SLC34A3: variants seen among roughly 807,000 people sequenced by gnomAD.
The protein encoded by SLC34A3 is solute carrier family 34 member 3.
In SLC34A3, 60 loss-of-function variants were observed where a neutral mutation model predicts 43.9. The observed-to-expected ratio is 1.37, with a 90% confidence interval of 1.11 to 1.70. The LOEUF (loss-of-function observed/expected upper bound fraction) is 1.70, where lower values mean the gene tolerates loss of function less well. SLC34A3 is among the 40% of genes most tolerant of loss of function. The pLI, the probability that SLC34A3 is intolerant of heterozygous loss-of-function variation, is 0.00. For synonymous variants in SLC34A3, 451 were observed against 386.2 expected (o/e 1.17, Z -1.97); for missense variants, 969 against 823.8 (o/e 1.18, Z -2.16).
At chr9:137,235,014 G>C (rs998596769) in intron 12 of SLC34A3, among the ~76,000 whole-genome samples, 17 of 152,070 alleles carry the variant, frequency 1.1e-4, no homozygotes, top group African/African-American at 3.9e-4. Flanking sequence ...GCATCTCAGG[G>C]GGCTCTAAGC....
intron 12 of SLC34A3, among the ~76,000 whole-genome samples, chr9:137,235,354 G>A (rs1482976501): frequency 6.6e-6 from 1 of 152,178 alleles, no homozygotes; most frequent in Non-Finnish European, 1.5e-5. Context: ...GGGTCATGCT[G>A]CACCGCCGCT....
In SLC34A3 at chr9:137,232,559, T is replaced by A. The variant is rs367687903; in HGVS notation, c.176-16T>A. 2.5e-6 allele frequency: 4 copies of A among 1,611,380 alleles called. No homozygotes were observed. The highest frequency in any genetic ancestry group is 1.1e-5 in the South Asian group (1 of 91,028). ...GGTGGAGGGCCAGCCAGGGACAGCCTGCCCTGTGTCCTCAGAGCTCCGCGT... is the reference window on the plus strand; with the variant it reads ...GGTGGAGGGCCAGCCAGGGACAGCCAGCCCTGTGTCCTCAGAGCTCCGCGT... On this transcript the variant is annotated splice_polypyrimidine_tract_variant and intron_variant, in intron 3 of 12. Coordinates refer to ENST00000673835, the MANE Select transcript of SLC34A3 (RefSeq NM_001177316.2).
chr9:137,230,858 G>A (rs1292068358), upstream of SLC34A3: 1 of 152,216 alleles, frequency 6.6e-6, no homozygotes, highest in Non-Finnish European at 1.5e-5. Flanking sequence ...CAGGTCATGT[G>A]CGCGATCAGG....
At position 137,232,148 on chromosome 9, in the gene SLC34A3, C is replaced by T. The variant is rs779250807; in HGVS notation, c.162C>T (p.Ser54=). The change falls in exon 3 of 13, where the codon AGC becomes AGT. Residue 54 remains serine (S), a synonymous_variant. Coordinates refer to ENST00000673835, the MANE Select transcript of SLC34A3 (RefSeq NM_001177316.2). ...PWTLPQLKDT[S]QPWKELRVAG... is the part of the protein sequence containing the mutation. ...CCCTCCCTCAGCTGAAGGACACAAG[C>T]CAGCCCTGGAAAGGTGGGTCTGGAG... 2 of 1,613,098 alleles carry T rather than the reference C, an allele frequency of 1.2e-6. No individual in the cohort carries two copies. The highest frequency in any genetic ancestry group is 1.7e-6 in the Non-Finnish European group (2 of 1,179,974).
At chr9:137,230,182 G>A (rs1372986191), upstream of SLC34A3, among the ~76,000 whole-genome samples, 1 of 152,180 alleles carries the variant, frequency 6.6e-6, no homozygotes. Flanking sequence ...ACACCCCACA[G>A]GCGGTGGGGC....
upstream of SLC34A3, chr9:137,230,864 T>G (rs1305891080): frequency 6.6e-6 from 1 of 152,190 alleles, no homozygotes; most frequent in East Asian, 1.9e-4. Context: ...ATGTGCGCGA[T>G]CAGGGGATCT....
In SLC34A3 at chr9:137,234,576, G is replaced by A. The variant is rs1836478286; in HGVS notation, c.1211-31G>A. ...GGCCTCGGGAACGGGGGCTCGGGCT[G>A]GGGTCCTGTGGTGACTCCCAGTTCC... On this transcript the variant is annotated intron_variant, in intron 11 of 12. Transcript: ENST00000673835. This position sits in a 1 kb window ranked among gnomAD's most constrained non-coding sequence, Gnocchi z 6.9. 1.9e-6 allele frequency: 3 copies of A among 1,610,706 alleles called. No homozygotes were observed. Among genetic ancestry groups the A allele is most frequent in the Admixed American group, 1.7e-5 (1 of 59,954 alleles).
chr9:137,229,959 C>G (rs1219771052), upstream of SLC34A3, among the ~76,000 whole-genome samples: 2 of 152,160 alleles, frequency 1.3e-5, no homozygotes, highest in African/African-American at 4.8e-5. Flanking sequence ...CTGCTGCCCC[C>G]CACCCCCAGA....
chr9:137,234,432 GGGCTGGCTCGGC>G lies in SLC34A3; in HGVS notation c.1115_1126del (p.Trp372_Gly375del). On this transcript the variant is annotated inframe_deletion, in exon 11 of 13. Coordinates refer to ENST00000673835, the MANE Select transcript of SLC34A3 (RefSeq NM_001177316.2). The surrounding 1 kb of genome is among the most constrained non-coding windows in gnomAD (Gnocchi z 6.9). Reference sequence around the variant, plus strand: ...CCCCCACAGACTTCCCCTTCCCGCTGGGCTGGCTCGGCGGCTACCTGGCCGTCCTCGCGGGCG... The same window carrying G: ...CCCCCACAGACTTCCCCTTCCCGCTGGGCTACCTGGCCGTCCTCGCGGGCG... 2.5e-6 allele frequency: 4 copies of G among 1,598,644 alleles called. No individual in the cohort carries two copies. Among genetic ancestry groups the G allele is most frequent in the Non-Finnish European group, 3.4e-6 (4 of 1,179,050 alleles).
At position 137,232,575 on chromosome 9, in the gene SLC34A3, A is replaced by G; in HGVS notation, c.176A>G (p.Glu59Gly). The G allele has an allele frequency of 5.0e-6, 8 of 1,611,678 alleles. No homozygotes were observed. The highest frequency in any genetic ancestry group is 6.8e-6 in the Non-Finnish European group (8 of 1,179,368). ...GGGACAGCCTGCCCTGTGTCCTCAG[A>G]GCTCCGCGTGGCCGGCAGGCTGCGC... is the stretch of plus-strand genomic sequence containing the variant. ...QLKDTSQPWK[E>G]LRVAGRLRRV... The change falls in exon 4 of 13, where the codon GAG becomes GGG. Residue 59 changes from glutamate (E) to glycine (G), a missense_variant and splice_region_variant. Transcript: ENST00000673835.
Position 137,234,506 on chromosome 9 carries a change from T to TCA in SLC34A3, c.1186_1187dup (p.Ala397ArgfsTer12). The TCA allele has an allele frequency of 1.2e-6, 2 of 1,604,472 alleles. No homozygotes were observed. The highest frequency in any genetic ancestry group is 1.7e-6 in the Non-Finnish European group (2 of 1,178,166). On this transcript the variant is annotated frameshift_variant, in exon 11 of 13. Transcript: ENST00000673835. LOFTEE classifies it high-confidence loss of function. This position sits in a 1 kb window ranked among gnomAD's most constrained non-coding sequence, Gnocchi z 6.9. ...TTCGCACTGCAGAGCAGCAGCGTCT[T>TCA]CACGGCGGCCGTCGTGCCCCTCATG... is the stretch of plus-strand genomic sequence containing the variant.
rs1355268543 is a variant in SLC34A3 at position 137,231,003 on chromosome 9, G to T, written c.-40+65G>T. ...GAGGCCGAGGCTGGGTGGCCTCCAG[G>T]CCAAGGGCTTGGGCCCCATCCTGAG... On this transcript the variant is annotated intron_variant, in intron 1 of 12. Coordinates refer to ENST00000673835, the MANE Select transcript of SLC34A3 (RefSeq NM_001177316.2). 8 of 152,746 alleles carry T rather than the reference G, an allele frequency of 5.2e-5. No homozygotes were observed. The East Asian group carries it at 7.7e-4, about 15-fold the overall frequency. 9.5% of individuals were successfully genotyped at this position (152,746 alleles called of 1,614,324 possible).
At position 137,234,134 on chromosome 9, in the gene SLC34A3, G is replaced by C; in HGVS notation, c.951G>C (p.Glu317Asp). 1 of 1,594,538 alleles carries C rather than the reference G, an allele frequency of 6.3e-7. No homozygotes were observed. The highest frequency in any genetic ancestry group is 8.5e-7 in the Non-Finnish European group (1 of 1,176,766). The change falls in exon 10 of 13, where the codon GAG becomes GAC. Residue 317 changes from glutamate (E) to aspartate (D), a missense_variant. Physicochemically the swap from Glu to Asp is conservative, Grantham distance 45 (BLOSUM62 2). Transcript: ENST00000673835. This position sits in a 1 kb window ranked among gnomAD's most constrained non-coding sequence, Gnocchi z 6.9. ...GCCGCCACCTGTTTGCGGGCACGGAGCTCACGGACCTGGCCGTGGGCTGCA... is the reference window on the plus strand; with the variant it reads ...GCCGCCACCTGTTTGCGGGCACGGACCTCACGGACCTGGCCGTGGGCTGCA... ...LPCRHLFAGT[E>D]LTDLAVGCIL... is the part of the protein sequence containing the mutation.
At chr9:137,231,290 C>T (rs1303021812) in intron 1 of SLC34A3, among the ~76,000 whole-genome samples, 3 of 152,156 alleles carry the variant, frequency 2.0e-5, no homozygotes, top group African/African-American at 7.2e-5. Flanking sequence ...GTATCAAATG[C>T]CAAAGTCTAA....
Position 137,234,844 on chromosome 9 carries a change from G to A in SLC34A3, c.1335+113G>A. 1 of 1,521,846 alleles carries A rather than the reference G, an allele frequency of 6.6e-7. No individual in the cohort carries two copies. The highest frequency in any genetic ancestry group is 8.9e-7 in the Non-Finnish European group (1 of 1,119,582). The allele number at this position is 1,521,846 out of a possible 1,614,324, so 94.3% of individuals were successfully genotyped here. On this transcript the variant is annotated intron_variant, in intron 12 of 12. Coordinates refer to ENST00000673835, the MANE Select transcript of SLC34A3 (RefSeq NM_001177316.2). This position sits in a 1 kb window ranked among gnomAD's most constrained non-coding sequence, Gnocchi z 6.9. ...GGCTGGCTGTGCCCCCGCCTTCCTG[G>A]ACCCCTTCCCTGGCCGCCAGCCTCA...
At position 137,236,470 on chromosome 9, in the gene SLC34A3, G is replaced by A. The variant is rs1338528826; in HGVS notation, c.*54G>A. The A allele has an allele frequency of 6.9e-6, 10 of 1,456,028 alleles. No individual in the cohort carries two copies. The East Asian group carries it at 1.7e-4, about 25-fold the overall frequency. 90.2% of individuals were successfully genotyped at this position (1,456,028 alleles called of 1,614,324 possible). On this transcript the variant is annotated 3_prime_UTR_variant, in exon 13 of 13. Transcript: ENST00000673835. ...CCTCCCCGGCTGGGAGGGCTCTGGA[G>A]GGCCCTGGAGGGGGGGTCCCCGCGG...
Position 137,232,876 on chromosome 9 carries a change from C to G in SLC34A3, c.397C>G (p.Gln133Glu). The change falls in exon 5 of 13, where the codon CAG (glutamine) becomes GAG (glutamate). Residue 133 changes from glutamine (Q) to glutamate (E), a missense_variant. Gln to Glu is a conservative substitution (Grantham distance 29). Transcript: ENST00000673835. The stretch of plus-strand genomic sequence containing the variant: ...TGGCGTGCTGGTCACAGCCCTGGTG[C>G]AGAGTTCCAGCACGTCCTCCTCCAT... ...VIGVLVTALV[Q>E]SSSTSSSIVV... 1.2e-6 allele frequency: 2 copies of G among 1,611,750 alleles called. No individual in the cohort carries two copies. The highest frequency in any genetic ancestry group is 2.2e-5 in the East Asian group (1 of 44,756).
chr9:137,235,964 C>T lies in SLC34A3; in HGVS notation c.1348C>T (p.His450Tyr), dbSNP rs1203393013. 3 of 1,612,106 alleles carry T rather than the reference C, an allele frequency of 1.9e-6. No homozygotes were observed. Among genetic ancestry groups the T allele is most frequent in the African/African-American group, 2.7e-5 (2 of 75,046 alleles). ...CCCTCGCCCCCAGGTCGCCCTCATC[C>T]ACTTCTTCTTCAACCTGGCCGGCAT... ...MLSALQVALI[H>Y]FFFNLAGILL... Residue 450 changes from histidine to tyrosine, a missense_variant, in exon 13 of 13, where the codon CAC becomes TAC. Coordinates refer to ENST00000673835, the MANE Select transcript of SLC34A3 (RefSeq NM_001177316.2).
chr9:137,235,836 C>T (rs1249030472), intron 12 of SLC34A3, 116 bp from the exon 13 acceptor site: 41 of 925,298 alleles, frequency 4.4e-5, no homozygotes, highest in Non-Finnish European at 6.0e-5. Flanking sequence ...ATCCGTGAAG[C>T]AGGATGAACT....
Sources: allele counts gnomAD v4.1 joint callset (sites outside exome capture counted in the v4.1 genomes callset), GRCh38; gene constraint gnomAD v4.1.1; non-coding constraint Gnocchi (gnomAD v3.1); transcripts MANE v1.5; gene names NCBI Gene and HGNC (gene_info 2026-07-23, HGNC 2026-07-21).